ROBO1: variants seen among roughly 807,000 people sequenced by gnomAD.
ROBO1 encodes the protein roundabout homolog 1.
In ROBO1, 149 loss-of-function variants were observed where a neutral mutation model predicts 195.9. The ratio of observed to expected loss-of-function variants is 0.76; its 90% CI spans 0.67 to 0.87. The LOEUF is 0.87. Ranked by LOEUF, ROBO1 falls within the 40% of genes least tolerant of loss-of-function variation. The pLI is 0.00. For missense variants in ROBO1, 1,933 were observed against 2,068.3 expected, an observed-to-expected ratio of 0.93 and a Z score of 1.27; for synonymous variants, 816 against 733.2, an observed-to-expected ratio of 1.11 and a Z score of -1.82.
At chr3:79,328,185 A>G (rs544304180) in intron 2 of ROBO1, among the ~76,000 whole-genome samples, 5 of 152,276 alleles carry the variant, frequency 3.3e-5, no homozygotes, top group African/African-American at 1.2e-4. Context: ...AACTATTTCA[A>G]TGAAAGGAGT....
intron 4 of ROBO1, among the ~76,000 whole-genome samples, chr3:78,840,878 G>A (rs886307065): frequency 1.3e-5 from 2 of 151,644 alleles, no homozygotes; most frequent in East Asian, 3.9e-4. Context: ...GGCTAACATG[G>A]TGAAACCCCA....
chr3:79,333,930 T>C (rs1161712155), intron 2 of ROBO1, among the ~76,000 whole-genome samples: 3 of 152,164 alleles, frequency 2.0e-5, no homozygotes, highest in African/African-American at 7.2e-5. Context: ...TGCATGTAAA[T>C]GCTACCAGAT....
intron 1 of ROBO1, among the ~76,000 whole-genome samples, chr3:79,736,358 G>A (rs549330422): frequency 6.6e-6 from 1 of 152,266 alleles, no homozygotes; most frequent in Non-Finnish European, 1.5e-5. Context: ...ATGGTAAGAA[G>A]TTTGCATCTT....
intron 1 of ROBO1, among the ~76,000 whole-genome samples, chr3:79,734,036 C>T (rs1703271149): frequency 6.6e-6 from 1 of 151,928 alleles, no homozygotes; most frequent in African/African-American, 2.4e-5. Context: ...CAACCTCCGC[C>T]TCCCGGGTTC....
chr3:79,431,279 A>T (rs2038665105), intron 2 of ROBO1, among the ~76,000 whole-genome samples: 1 of 152,136 alleles, frequency 6.6e-6, no homozygotes, highest in African/African-American at 2.4e-5. Context: ...TCCCATCAAT[A>T]ACTTATTTGG....
chr3:79,014,235 C>T (rs1297105847), intron 3 of ROBO1, among the ~76,000 whole-genome samples: 1 of 152,026 alleles, frequency 6.6e-6, no homozygotes, highest in African/African-American at 2.4e-5. Flanking sequence ...TTTGGGAGGC[C>T]GAAGCAGGCA....
At chr3:78,711,344 CTTCCTCCTTCCTTCCT>C (rs1243632608) in intron 8 of ROBO1, among the ~76,000 whole-genome samples, 7 of 84,154 alleles carry the variant, frequency 8.3e-5, no homozygotes, top group South Asian at 4.4e-4. Context: ...TCCTTCCTTC[CTTCCTCCTTCCTTCCT>C]TCCTTCCTTC....
intron 1 of ROBO1, among the ~76,000 whole-genome samples, chr3:79,608,060 C>T (rs1944545293): frequency 6.6e-6 from 1 of 151,922 alleles, no homozygotes; most frequent in Non-Finnish European, 1.5e-5. Flanking sequence ...TTATTCTTTA[C>T]AAAACATGAA....
At chr3:79,314,360 T>G (rs1056025332) in intron 2 of ROBO1, among the ~76,000 whole-genome samples, 2 of 152,144 alleles carry the variant, frequency 1.3e-5, no homozygotes, top group Non-Finnish European at 2.9e-5. Context: ...CATTGAATCA[T>G]GTGGGAGGTT....
rs1575778343 is a variant in ROBO1, at chr3:78,615,088, A to G, written c.4283-288T>C. On this transcript the variant is annotated intron_variant, in intron 27 of 30. Coordinates refer to ENST00000464233, the MANE Select transcript of ROBO1 (RefSeq NM_002941.4). ...CCTATTTATTAAAGAAAAGTATTCC[A>G]ATTATTTTTGCAATTAGCTTCACTA... Among the ~76,000 whole-genome samples the G allele has an allele frequency of 1.3e-5, 2 of 152,198 alleles. 1 individual carries two copies. The highest frequency in any genetic ancestry group is 4.1e-4 in the South Asian group (2 of 4,836).
chr3:79,184,045 A>G (rs1206487663), intron 2 of ROBO1, among the ~76,000 whole-genome samples: 1 of 152,144 alleles, frequency 6.6e-6, no homozygotes, highest in Non-Finnish European at 1.5e-5. Context: ...AAATCCTGTA[A>G]TCTTTTTGTT....
At chr3:79,489,668 A>G (rs1232596440) in intron 2 of ROBO1, among the ~76,000 whole-genome samples, 2 of 151,338 alleles carry the variant, frequency 1.3e-5, no homozygotes, top group Non-Finnish European at 2.9e-5. Context: ...AAAAAAAAAA[A>G]AGAAAGAAAG....
chr3:79,491,309 G>C (rs1410622373), intron 2 of ROBO1, among the ~76,000 whole-genome samples: 1 of 151,102 alleles, frequency 6.6e-6, no homozygotes, highest in African/African-American at 2.4e-5. Context: ...TTCATTTTTG[G>C]CTTGCTGCTT....
intron 5 of ROBO1, among the ~76,000 whole-genome samples, chr3:78,737,715 G>A (rs1460827702): frequency 7.9e-5 from 12 of 152,000 alleles, no homozygotes; most frequent in Non-Finnish European, 2.9e-5. Context: ...AGATAGACAG[G>A]AAAAATTATT....
intron 2 of ROBO1, among the ~76,000 whole-genome samples, chr3:79,345,591 C>G (rs1358314067): frequency 6.6e-6 from 1 of 152,112 alleles, no homozygotes; most frequent in African/African-American, 2.4e-5. Context: ...GTCCCTCAGG[C>G]ACACAAAATA....
chr3:78,637,984 TGG>T (rs370449394), intron 22 of ROBO1, among the ~76,000 whole-genome samples: 3 of 134,380 alleles, frequency 2.2e-5, no homozygotes, highest in African/African-American at 9.1e-5. Context: ...GGTTTTTTTT[TGG>T]GGGGGGGAGG....
At chr3:79,504,636 G>A (rs184881851) in intron 2 of ROBO1, among the ~76,000 whole-genome samples, 2 of 152,184 alleles carry the variant, frequency 1.3e-5, no homozygotes, top group East Asian at 3.9e-4. Flanking sequence ...GTGACCATTG[G>A]CAGACTCATA....
chr3:78,663,330 G>GAA (rs113685024), intron 14 of ROBO1, among the ~76,000 whole-genome samples: 11 of 148,642 alleles, frequency 7.4e-5, no homozygotes, highest in African/African-American at 2.5e-4. Flanking sequence ...TAAGCAAGAT[G>GAA]AAAAAAAAAC....
intron 3 of ROBO1, among the ~76,000 whole-genome samples, chr3:79,117,240 C>T (rs766656103): frequency 7.2e-5 from 11 of 151,954 alleles, no homozygotes; most frequent in African/African-American, 1.2e-4. Flanking sequence ...CATGGTGGCA[C>T]GCACCTGTAG....
Sources: gnomAD v4.1 joint callset for allele counts (sites outside exome capture counted in the v4.1 genomes callset) on GRCh38, gnomAD v4.1.1 for gene constraint, MANE v1.5 for transcripts, NCBI Gene and HGNC (gene_info 2026-07-23, HGNC 2026-07-21) for gene names.